MGA: variants seen among roughly 807,000 people sequenced by gnomAD.
The protein encoded by MGA is MAX dimerization protein MGA, also known as MAX gene-associated protein.
Under a neutral mutation model 261.1 loss-of-function variants are expected in MGA, and 40 were observed. The ratio of observed to expected loss-of-function variants is 0.15; its 90% confidence interval spans 0.12 to 0.20. The LOEUF (loss-of-function observed/expected upper bound fraction) is 0.20, where lower values mean the gene tolerates loss of function less well. MGA is among the 10% of genes least tolerant of loss of function. The probability of loss-of-function intolerance (pLI) is 1.00; values close to 1 mark genes in which losing one functional copy is unlikely to be tolerated. For missense variants in MGA, 3,397 were observed against 3,630.5 expected (o/e 0.94, Z 1.65); for synonymous variants, 1,302 against 1,290.6 (o/e 1.01, Z -0.19).
intron 2 of MGA, among the ~76,000 whole-genome samples, chr15:41,683,704 A>G (rs896558992): frequency 6.6e-6 from 1 of 151,028 alleles, no homozygotes; most frequent in African/African-American, 2.4e-5. Context: ...TCAGCCCCAT[A>G]GGTAGGTAGT....
intron 13 of MGA, among the ~76,000 whole-genome samples, chr15:41,739,573 C>T (rs1383758041): frequency 6.6e-6 from 1 of 152,064 alleles, no homozygotes; most frequent in Non-Finnish European, 1.5e-5. Flanking sequence ...AACCAGAATG[C>T]CTTATTTACA....
intron 2 of MGA, among the ~76,000 whole-genome samples, chr15:41,678,097 T>A (rs2058477229): frequency 6.6e-6 from 1 of 151,350 alleles, no homozygotes; most frequent in South Asian, 2.1e-4. Context: ...TGAATTTTTT[T>A]TTTTTTTTTT....
chr15:41,645,371 C>G (rs1252105498), intron 1 of MGA, among the ~76,000 whole-genome samples: 1 of 152,360 alleles, frequency 6.6e-6, no homozygotes, highest in Non-Finnish European at 1.5e-5. Flanking sequence ...CGGCAGATCA[C>G]TTGGGCGGAG....
chr15:41,694,337 A>G (rs1403267309), intron 2 of MGA, among the ~76,000 whole-genome samples: 1 of 151,996 alleles, frequency 6.6e-6, no homozygotes, highest in Non-Finnish European at 1.5e-5. Flanking sequence ...AATTGTTTGA[A>G]CCTTGGAGGT....
intron 17 of MGA, chr15:41,751,102 G>T (rs1482822193): frequency 1.3e-5 from 2 of 152,312 alleles, no homozygotes; most frequent in African/African-American, 4.8e-5. Context: ...GTACCATTTT[G>T]CCTTGAGTTG....
At chr15:41,623,675 G>C (rs930926001) in intron 1 of MGA, among the ~76,000 whole-genome samples, 3 of 151,120 alleles carry the variant, frequency 2.0e-5, no homozygotes, top group African/African-American at 7.3e-5. Flanking sequence ...TGCGGTGAGT[G>C]GAGATCGCGC....
intron 22 of MGA, among the ~76,000 whole-genome samples, chr15:41,762,928 A>T (rs1194140767): frequency 6.6e-6 from 1 of 152,086 alleles, no homozygotes; most frequent in Non-Finnish European, 1.5e-5. Flanking sequence ...TGTATTTTTA[A>T]TGAGTAGTTT....
chr15:41,658,182 C>G (rs2057247106), upstream of MGA, among the ~76,000 whole-genome samples: 1 of 152,140 alleles, frequency 6.6e-6, no homozygotes, highest in Non-Finnish European at 1.5e-5. Context: ...TCAGAAAAAT[C>G]TACTTGAACG....
At chr15:41,670,052 A>T (rs2057957968) in intron 2 of MGA, 94 bp downstream of exon 2, 1 of 961,956 alleles carries the variant, frequency 1.0e-6, no homozygotes, top group Admixed American at 2.8e-5. Flanking sequence ...AATGCTACAG[A>T]TGTTGATAAA....
At chr15:41,679,800 C>A (rs2151079418) in intron 2 of MGA, among the ~76,000 whole-genome samples, 1 of 151,748 alleles carries the variant, frequency 6.6e-6, no homozygotes, top group Non-Finnish European at 1.5e-5. Flanking sequence ...ATTGCACCAT[C>A]TATTAAAAGA....
At chr15:41,690,137 C>T (rs981032537) in intron 2 of MGA, among the ~76,000 whole-genome samples, 6 of 152,154 alleles carry the variant, frequency 3.9e-5, no homozygotes, top group African/African-American at 1.4e-4. Flanking sequence ...AACCACCTGT[C>T]TCTGTCTCTG....
At position 41,710,857 on chromosome 15, in the gene MGA, T is replaced by C; in HGVS notation, c.2592T>C (p.Tyr864=). The C allele has an allele frequency of 1.9e-6, 3 of 1,614,008 alleles. No individual in the cohort carries two copies. Among genetic ancestry groups the C allele is most frequent in the South Asian group, 2.2e-5 (2 of 91,082 alleles). ...AGCTTCCCACTAAGAGTACCAGTTA[T>C]GTACGAACACTTGATAGTGTACTAA... Residue 864 remains tyrosine (Y), a synonymous_variant, in exon 8 of 24, where the codon TAT becomes TAC. Transcript: ENST00000219905.
At chr15:41,686,574 TAGAGA>T (rs2058984430) in intron 2 of MGA, among the ~76,000 whole-genome samples, 1 of 152,146 alleles carries the variant, frequency 6.6e-6, no homozygotes, top group African/African-American at 2.4e-5. Context: ...CTCCTGATCT[TAGAGA>T]AACTCATTCT....
At chr15:41,660,700 T>G (rs1457498759) in intron 1 of MGA, among the ~76,000 whole-genome samples, 175 bp downstream of exon 1, 1 of 152,144 alleles carries the variant, frequency 6.6e-6, no homozygotes, top group Non-Finnish European at 1.5e-5. Context: ...GCCCCTGTGG[T>G]CCCTGAGCGA....
At chr15:41,705,654 G>C (rs1428620327) in intron 5 of MGA, among the ~76,000 whole-genome samples, 3 of 152,160 alleles carry the variant, frequency 2.0e-5, no homozygotes, top group Non-Finnish European at 2.9e-5. Flanking sequence ...GAGCTGAAAT[G>C]CCAGGCCTGC....
chr15:41,696,259 A>C lies in MGA; in HGVS notation c.1249A>C (p.Ser417Arg). ...TGAAGAGACGGATGTATACTCAAAC[A>C]GTGATGATGATCCTATACTAGAGAA... Residue 417 changes from serine (S) to arginine (R), a missense_variant, in exon 3 of 24, where the codon AGT (serine) becomes CGT (arginine). This residue lies in a region of MGA where 563 missense variants were observed against 563.6 expected (regional missense o/e 1.00). Coordinates refer to ENST00000219905, the MANE Select transcript of MGA (RefSeq NM_001164273.2). 1 of 1,613,996 alleles carries C rather than the reference A, an allele frequency of 6.2e-7. No individual in the cohort carries two copies. Among genetic ancestry groups the C allele is most frequent in the Non-Finnish European group, 8.5e-7 (1 of 1,179,900 alleles).
At chr15:41,654,775 AAGTACTGGGATTAC>A (rs1172363341) in intron 1 of MGA, among the ~76,000 whole-genome samples, 1 of 152,072 alleles carries the variant, frequency 6.6e-6, no homozygotes, top group Non-Finnish European at 1.5e-5. Context: ...CCTCCTCCCA[AAGTACTGGGATTAC>A]AGGCCCGAGC....
Position 41,750,612 on chromosome 15 carries a change from A to G in MGA, c.7005A>G (p.Glu2335=). ...AGAGTGAGGAGGTTGATGATGTAGAAAAGGTGGTGAGCCCATTTTTGTTGT... is the reference window on the plus strand; with the variant it reads ...AGAGTGAGGAGGTTGATGATGTAGAGAAGGTGGTGAGCCCATTTTTGTTGT... The change falls in exon 17 of 24, where the codon GAA becomes GAG. Residue 2335 remains glutamate, a synonymous_variant. Coordinates refer to ENST00000219905, the MANE Select transcript of MGA (RefSeq NM_001164273.2). 6.2e-7 allele frequency: 1 copy of G among 1,601,452 alleles called. No homozygotes were observed. Among genetic ancestry groups the G allele is most frequent in the South Asian group, 1.1e-5 (1 of 89,118 alleles).
intron 2 of MGA, among the ~76,000 whole-genome samples, chr15:41,685,917 A>G (rs1202815953): frequency 6.6e-6 from 1 of 151,642 alleles, no homozygotes; most frequent in Non-Finnish European, 1.5e-5. Context: ...AGGCAGGAGA[A>G]TGGCGTGTAC....
Sources: allele counts gnomAD v4.1 joint callset (sites outside exome capture counted in the v4.1 genomes callset), GRCh38; gene constraint gnomAD v4.1.1; regional missense constraint gnomAD v4.1.1; transcripts MANE v1.5; gene names NCBI Gene and HGNC (gene_info 2026-07-23, HGNC 2026-07-21).